TTC13: variants seen among roughly 807,000 people sequenced by gnomAD.
TTC13 encodes the protein tetratricopeptide repeat protein 13.
A neutral mutation model predicts 120.0 loss-of-function variants in TTC13; 62 were observed. That is an observed-to-expected ratio of 0.52 (90% CI 0.42 to 0.64). TTC13 has a LOEUF of 0.64. Among genes scored for constraint, TTC13 ranks in the 30% least tolerant of loss-of-function variants. TTC13 has a pLI of 0.00. For synonymous variants in TTC13, 384 were observed against 393.5 expected (o/e 0.98, Z 0.28); for missense variants, 824 against 1,050.2 (o/e 0.78, Z 2.98).
At chr1:230,969,513 C>T (rs1677504889) in intron 1 of TTC13, among the ~76,000 whole-genome samples, 1 of 152,132 alleles carries the variant, frequency 6.6e-6, no homozygotes, top group Non-Finnish European at 1.5e-5. Flanking sequence ...CTTGTTTCTG[C>T]TCATTTTTCT....
At chr1:230,974,086 A>G (rs1678026827) in intron 1 of TTC13, among the ~76,000 whole-genome samples, 1 of 152,020 alleles carries the variant, frequency 6.6e-6, no homozygotes, top group Non-Finnish European at 1.5e-5. Context: ...CAAAAAAAAA[A>G]AAAAAGAAGA....
rs1671644981 is a variant in TTC13 at position 230,912,773 on chromosome 1, A to G, written c.2094-15T>C. ...TATTGCCAACTCTGAAAATACAAAA[A>G]TAAGTGTGAAAGGCATGTATTATAA... On this transcript the variant is annotated splice_polypyrimidine_tract_variant and intron_variant, in intron 18 of 22. Coordinates refer to ENST00000366661, the MANE Select transcript of TTC13 (RefSeq NM_024525.5). 1.9e-6 allele frequency: 3 copies of G among 1,601,036 alleles called. No individual in the cohort carries two copies. Among genetic ancestry groups the G allele is most frequent in the Admixed American group, 1.8e-5 (1 of 56,782 alleles).
intron 3 of TTC13, among the ~76,000 whole-genome samples, chr1:230,957,273 C>CA (rs1361820284): frequency 2.6e-5 from 4 of 152,064 alleles, no homozygotes; most frequent in Non-Finnish European, 5.9e-5. Flanking sequence ...CTGGTCTCTA[C>CA]AAAACAATTT....
intron 12 of TTC13, among the ~76,000 whole-genome samples, chr1:230,926,698 AAGG>A (rs1233773053): frequency 3.9e-5 from 6 of 152,210 alleles, no homozygotes; most frequent in African/African-American, 1.2e-4. Context: ...TTTCTCAAAA[AAGG>A]AGTAGTTCGA....
intron 6 of TTC13, among the ~76,000 whole-genome samples, chr1:230,941,969 C>T (rs890774898): frequency 1.3e-5 from 2 of 152,100 alleles, no homozygotes; most frequent in African/African-American, 4.8e-5. Flanking sequence ...CATAAAATGA[C>T]CTCTGACATA....
intron 12 of TTC13, 68 bp downstream of exon 12, chr1:230,928,869 C>T: frequency 6.4e-7 from 1 of 1,555,506 alleles, no homozygotes; most frequent in Non-Finnish European, 8.8e-7. Flanking sequence ...AGTAGCGTGC[C>T]ACCATGCCCA....
rs1338494189 is a variant in TTC13 at position 230,912,709 on chromosome 1, T to C, written c.2143A>G (p.Thr715Ala). 5 of 1,612,532 alleles carry C rather than the reference T, an allele frequency of 3.1e-6. No homozygotes were observed. In the South Asian group the frequency reaches 5.5e-5, roughly 18 times the overall value. ...TCTATTTCAGCATGATATAATTGTG[T>C]CCTTTCTTCCGTGGTTTGAGTTTCC... The part of the protein sequence containing the change: ...SVETQTTEER[T>A]QLYHAEIDAL... Residue 715 changes from threonine to alanine, a missense_variant, in exon 19 of 23, where the codon ACA (threonine) becomes GCA (alanine). Physicochemically the swap from Thr to Ala is moderately conservative, Grantham distance 58 (BLOSUM62 0). Around this residue, in one of 4 missense-constraint regions of TTC13, gnomAD observed 226 missense variants for 259.1 expected, o/e 0.87. Transcript: ENST00000366661.
rs1396370346 is a variant in TTC13, at chr1:230,947,768, A to T, written c.514-2314T>A. On this transcript the variant is annotated intron_variant, in intron 4 of 22. Coordinates refer to ENST00000366661, the MANE Select transcript of TTC13 (RefSeq NM_024525.5). ...AGCTGCTTTTCTCCTAACAGAAAAA[A>T]GTTTACTCCAGATGACCAAGAGGTG... Among the ~76,000 whole-genome samples, 3 of 152,284 alleles carry T rather than the reference A, an allele frequency of 2.0e-5. No homozygotes were observed. The East Asian group carries it at 5.8e-4, about 29-fold the overall frequency.
chr1:230,974,711 T>G (rs1004070770), intron 1 of TTC13, among the ~76,000 whole-genome samples: 6 of 152,144 alleles, frequency 3.9e-5, no homozygotes, highest in Non-Finnish European at 7.4e-5. Flanking sequence ...AGACACAGGA[T>G]CCACACTAGG....
At chr1:230,947,405 G>A (rs113680881) in intron 4 of TTC13, among the ~76,000 whole-genome samples, 107 of 152,264 alleles carry the variant, frequency 7.0e-4, no homozygotes, top group African/African-American at 2.4e-3. Flanking sequence ...CAGTCGAACC[G>A]AACCCTGGCC....
rs1411655807 is a variant in TTC13, at chr1:230,944,793, T to C, written c.579+596A>G. The stretch of plus-strand genomic sequence containing the variant: ...GACAATAGAAAAAGTTTGCATATAA[T>C]GTCCTAGACTAAAAATTTGGAAAGC... On this transcript the variant is annotated intron_variant, in intron 5 of 22. Coordinates refer to ENST00000366661, the MANE Select transcript of TTC13 (RefSeq NM_024525.5). This position sits in a 1 kb window ranked among gnomAD's most constrained non-coding sequence, Gnocchi z 4.0. 1.3e-5 allele frequency among the ~76,000 whole-genome samples: 2 copies of C among 152,202 alleles called. No homozygotes were observed. The highest frequency in any genetic ancestry group is 4.8e-5 in the African/African-American group (2 of 41,466).
At chr1:230,972,369 A>G (rs1677856085) in intron 1 of TTC13, among the ~76,000 whole-genome samples, 1 of 152,248 alleles carries the variant, frequency 6.6e-6, no homozygotes, top group Non-Finnish European at 1.5e-5. Context: ...TCCTGTATAT[A>G]TGTTGTATTT....
intron 19 of TTC13, 62 bp downstream of exon 19, chr1:230,912,561 T>C (rs572936394): frequency 7.6e-6 from 12 of 1,569,196 alleles, no homozygotes; most frequent in South Asian, 5.8e-5. Flanking sequence ...AGGGCAGAGG[T>C]TCAAAAAATT....
At chr1:230,958,096 T>C (rs976607584) in intron 3 of TTC13, 128 bp downstream of exon 3, 3 of 801,776 alleles carry the variant, frequency 3.7e-6, no homozygotes, top group African/African-American at 3.5e-5. Flanking sequence ...GAATGCTCCA[T>C]GCAAGATCAA....
chr1:230,950,743 G>C (rs895503687), intron 4 of TTC13, among the ~76,000 whole-genome samples: 2 of 152,142 alleles, frequency 1.3e-5, no homozygotes, highest in African/African-American at 4.8e-5. Flanking sequence ...AGTTCCACTG[G>C]AATCAGATCA....
chr1:230,959,451 G>C lies in TTC13; in HGVS notation c.367-1152C>G, dbSNP rs370991512. Among the ~76,000 whole-genome samples the C allele has an allele frequency of 1.6e-4, 24 of 151,612 alleles. No individual in the cohort carries two copies. The East Asian group carries it at 2.3e-3, about 15-fold the overall frequency. ...GGCTTGAGTGCAATGGCACGATCTCGGCTCACCACAACCTCCGCCGCCTGG... is the reference window on the plus strand; with the variant it reads ...GGCTTGAGTGCAATGGCACGATCTCCGCTCACCACAACCTCCGCCGCCTGG... On this transcript the variant is annotated intron_variant, in intron 2 of 22. Coordinates refer to ENST00000366661, the MANE Select transcript of TTC13 (RefSeq NM_024525.5).
At chr1:230,928,875 G>A in intron 12 of TTC13, 62 bp downstream of exon 12, 1 of 1,575,880 alleles carries the variant, frequency 6.3e-7, no homozygotes, top group Admixed American at 1.7e-5. Context: ...GTGCCACCAT[G>A]CCCAGCTTAT....
At chr1:230,950,138 T>TTAC in intron 4 of TTC13, among the ~76,000 whole-genome samples, 1 of 152,248 alleles carries the variant, frequency 6.6e-6, no homozygotes, top group Middle Eastern at 3.4e-3. Flanking sequence ...AAACTTTTCT[T>TTAC]TATGGAATGC....
intron 5 of TTC13, 27 bp downstream of exon 5, chr1:230,945,362 T>C (rs1190937013): frequency 2.5e-6 from 4 of 1,606,306 alleles, no homozygotes; most frequent in Admixed American, 1.7e-5. Context: ...GTAGGCGCTA[T>C]GGCAATCGTA....
Sources: allele counts gnomAD v4.1 joint callset (sites outside exome capture counted in the v4.1 genomes callset), GRCh38; gene constraint gnomAD v4.1.1; regional missense constraint gnomAD v4.1.1; non-coding constraint Gnocchi (gnomAD v3.1); transcripts MANE v1.5; gene names NCBI Gene and HGNC (gene_info 2026-07-23, HGNC 2026-07-21).